GRM7: variants seen among roughly 807,000 people sequenced by gnomAD.
GRM7 encodes the protein glutamate metabotropic receptor 7, also known as metabotropic glutamate receptor 7.
Under a neutral mutation model 84.5 loss-of-function variants are expected in GRM7, and 35 were observed. The observed-to-expected ratio is 0.41, with a 90% CI of 0.32 to 0.55. The LOEUF is 0.55. Ranked by LOEUF, GRM7 falls within the 20% of genes least tolerant of loss-of-function variation. The pLI, the probability that GRM7 is intolerant of heterozygous loss-of-function variation, is 0.19. For missense variants in GRM7, 1,003 were observed against 1,194.6 expected (o/e 0.84, Z 2.36); for synonymous variants, 487 against 455.1 (o/e 1.07, Z -0.89).
intron 4 of GRM7, among the ~76,000 whole-genome samples, chr3:7,319,859 A>T (rs1700711168): frequency 6.6e-6 from 1 of 152,044 alleles, no homozygotes. Context: ...TTGAAGTATA[A>T]TTAGCATAGA....
intron 1 of GRM7, among the ~76,000 whole-genome samples, chr3:7,040,065 G>A (rs9846912): frequency 0.024 from 3,586 of 152,242 alleles, 120 homozygotes; most frequent in African/African-American, 0.082. Flanking sequence ...TAGCCCTTGT[G>A]TAGTTCTCAC....
chr3:7,333,208 A>C (rs1701277129), intron 4 of GRM7, among the ~76,000 whole-genome samples: 1 of 152,172 alleles, frequency 6.6e-6, no homozygotes, highest in Admixed American at 6.5e-5. Context: ...AAACCAGTGC[A>C]CTAAGCAAAA....
intron 1 of GRM7, among the ~76,000 whole-genome samples, chr3:7,039,782 A>G (rs899898837): frequency 1.3e-5 from 2 of 151,904 alleles, no homozygotes; most frequent in Non-Finnish European, 2.9e-5. Context: ...GATTTGATCT[A>G]TTATTGCCGA....
At chr3:7,398,539 T>C (rs1032174851) in intron 4 of GRM7, among the ~76,000 whole-genome samples, 37 of 152,178 alleles carry the variant, frequency 2.4e-4, no homozygotes, top group African/African-American at 7.7e-4. Context: ...AGAAATTTGG[T>C]AGCCTACGTA....
chr3:7,461,655 A>G lies in GRM7; in HGVS notation c.1448A>G (p.Gln483Arg). ...GGGCGTTATGACATCTTTCAGTACC[A>G]GACCACAAACACCAGCAACCCGGGT... Reference protein sequence around the residue: ...APGRYDIFQYQTTNTSNPGYR... With the variant: ...APGRYDIFQYRTTNTSNPGYR... Residue 483 changes from glutamine (Q) to arginine (R), a missense_variant, in exon 7 of 10, where the codon CAG becomes CGG. Coordinates refer to ENST00000357716, the MANE Select transcript of GRM7 (RefSeq NM_000844.4). The G allele has an allele frequency of 6.2e-7, 1 of 1,613,626 alleles. No homozygotes were observed. The highest frequency in any genetic ancestry group is 8.5e-7 in the Non-Finnish European group (1 of 1,179,522).
intron 8 of GRM7, among the ~76,000 whole-genome samples, chr3:7,645,751 T>C (rs1232613742): frequency 1.3e-5 from 2 of 152,008 alleles, no homozygotes; most frequent in Non-Finnish European, 2.9e-5. Flanking sequence ...AAATAAGCTC[T>C]TGTGGACCTG....
At chr3:7,365,042 A>G (rs1409092097) in intron 4 of GRM7, among the ~76,000 whole-genome samples, 3 of 151,866 alleles carry the variant, frequency 2.0e-5, no homozygotes, top group African/African-American at 7.2e-5. Context: ...AGTTAGACAT[A>G]CAAATCAGTG....
intron 1 of GRM7, among the ~76,000 whole-genome samples, chr3:6,986,696 G>T (rs1694424919): frequency 6.6e-6 from 1 of 152,136 alleles, no homozygotes; most frequent in African/African-American, 2.4e-5. Flanking sequence ...CTGATCATTA[G>T]GATGCCACTG....
intron 8 of GRM7, among the ~76,000 whole-genome samples, chr3:7,657,908 C>G (rs985935361): frequency 2.6e-5 from 4 of 152,218 alleles, no homozygotes; most frequent in Non-Finnish European, 5.9e-5. Flanking sequence ...GAAACACTCA[C>G]TTCTCCAGGA....
chr3:7,064,508 A>G (rs1429556053), intron 1 of GRM7, among the ~76,000 whole-genome samples: 1 of 119,944 alleles, frequency 8.3e-6, no homozygotes, highest in Non-Finnish European at 1.7e-5. Context: ...ATATACACAT[A>G]TATATATATA....
intron 7 of GRM7, among the ~76,000 whole-genome samples, chr3:7,521,893 G>A (rs1700610413): frequency 6.6e-6 from 1 of 152,130 alleles, no homozygotes; most frequent in South Asian, 2.1e-4. Context: ...TGAATGGATT[G>A]AAGAGAGGTA....
At chr3:7,612,897 A>AGCAGGATTTCATTTCTT (rs1441815040) in intron 8 of GRM7, among the ~76,000 whole-genome samples, 2 of 152,234 alleles carry the variant, frequency 1.3e-5, no homozygotes, top group African/African-American at 4.8e-5. Flanking sequence ...TCTTTAAAGA[A>AGCAGGATTTCATTTCTT]GCAGGATTTC....
intron 1 of GRM7, among the ~76,000 whole-genome samples, chr3:6,998,314 T>G (rs180727075): frequency 1.3e-5 from 2 of 152,136 alleles, no homozygotes; most frequent in African/African-American, 4.8e-5. Context: ...AACTTGGTCA[T>G]GCTGATGCAA....
chr3:7,317,000 T>C (rs913090136), intron 4 of GRM7, among the ~76,000 whole-genome samples: 5 of 152,036 alleles, frequency 3.3e-5, no homozygotes, highest in African/African-American at 1.2e-4. Context: ...AAAAATAATA[T>C]GAGTATAATT....
chr3:7,461,685 G>A lies in GRM7; in HGVS notation c.1478G>A (p.Arg493His), dbSNP rs767400612. The A allele has an allele frequency of 3.3e-5, 54 of 1,613,804 alleles. No homozygotes were observed. The Admixed American group carries it at 3.5e-4, about 10-fold the overall frequency. ...QTTNTSNPGY[R>H]LIGQWTDELQ... ...ACAAACACCAGCAACCCGGGTTACC[G>A]TCTGATCGGGCAGTGGACAGACGAA... The change falls in exon 7 of 10, where the codon CGT becomes CAT. Residue 493 changes from arginine (R) to histidine (H), a missense_variant. Coordinates refer to ENST00000357716, the MANE Select transcript of GRM7 (RefSeq NM_000844.4).
intron 1 of GRM7, among the ~76,000 whole-genome samples, chr3:7,100,100 C>A (rs1025070205): frequency 2.6e-5 from 4 of 151,124 alleles, no homozygotes; most frequent in African/African-American, 9.7e-5. Flanking sequence ...GGCACTGACT[C>A]ACCTCTTAAA....
chr3:7,547,844 T>G (rs1169673483), intron 7 of GRM7, among the ~76,000 whole-genome samples: 1 of 152,194 alleles, frequency 6.6e-6, no homozygotes, highest in Non-Finnish European at 1.5e-5. Flanking sequence ...GAAGTGTCAT[T>G]CCTTTGGATA....
chr3:7,569,207 A>C (rs894523551), intron 7 of GRM7, among the ~76,000 whole-genome samples: 2 of 151,758 alleles, frequency 1.3e-5, no homozygotes, highest in Admixed American at 1.3e-4. Context: ...ACCAATCTAC[A>C]CTCTGTATCT....
chr3:7,134,429 GTCA>G (rs59201451), intron 1 of GRM7, among the ~76,000 whole-genome samples: 41,555 of 150,730 alleles, frequency 0.28, 5,878 homozygotes, highest in African/African-American at 0.33. Flanking sequence ...CATCATCATC[GTCA>G]TCATCATCAT....
Sources: allele counts gnomAD v4.1 joint callset (sites outside exome capture counted in the v4.1 genomes callset), GRCh38; gene constraint gnomAD v4.1.1; transcripts MANE v1.5; gene names NCBI Gene and HGNC (gene_info 2026-07-23, HGNC 2026-07-21).